Variants in FER observed in about 807,000 individuals in gnomAD.
FER encodes the protein tyrosine-protein kinase Fer.
FER carries 63 observed loss-of-function variants against 111.0 expected under a neutral mutation model. That is an observed-to-expected ratio of 0.57 (90% CI 0.46 to 0.70). The LOEUF (loss-of-function observed/expected upper bound fraction) is 0.70. FER is among the 30% of genes least tolerant of loss of function. FER has a pLI of 0.00. For synonymous variants in FER, 327 were observed against 313.9 expected, an observed-to-expected ratio of 1.04 and a Z score of -0.44; for missense variants, 914 against 954.0, an observed-to-expected ratio of 0.96 and a Z score of 0.55.
At chr5:109,122,056 A>G (rs184186792) in intron 17 of FER, among the ~76,000 whole-genome samples, 2 of 150,518 alleles carry the variant, frequency 1.3e-5, no homozygotes, top group African/African-American at 4.9e-5. Flanking sequence ...AGCCTTTTGT[A>G]TTTTCTTTAT....
chr5:108,749,968 C>T (rs185539642), intron 1 of FER, among the ~76,000 whole-genome samples: 1 of 152,188 alleles, frequency 6.6e-6, no homozygotes, highest in East Asian at 1.9e-4. Context: ...TAATTTGTTA[C>T]GGCTGGTAGC....
intron 10 of FER, among the ~76,000 whole-genome samples, 160 bp downstream of exon 10, chr5:108,898,008 C>T (rs995962908): frequency 6.6e-6 from 1 of 152,178 alleles, no homozygotes; most frequent in African/African-American, 2.4e-5. Context: ...TTGTCAGTCA[C>T]CTCAGGTCAC....
intron 13 of FER, among the ~76,000 whole-genome samples, chr5:109,006,394 C>G (rs1173003151): frequency 2.6e-5 from 4 of 152,150 alleles, no homozygotes; most frequent in Non-Finnish European, 5.9e-5. Context: ...ACGGGAGTTC[C>G]TCTGCAAGTG....
chr5:108,896,508 T>TTA (rs1749118942), intron 9 of FER, among the ~76,000 whole-genome samples: 2 of 152,178 alleles, frequency 1.3e-5, no homozygotes, highest in African/African-American at 4.8e-5. Flanking sequence ...TTACTAGGTC[T>TTA]CTCACAAATG....
intron 2 of FER, among the ~76,000 whole-genome samples, chr5:108,782,042 C>T (rs576481553): frequency 9.2e-5 from 14 of 152,108 alleles, no homozygotes; most frequent in Admixed American, 3.9e-4. Flanking sequence ...TTTAAGTTTC[C>T]CACTTGTTGG....
At chr5:108,950,386 T>A (rs910175909) in intron 11 of FER, among the ~76,000 whole-genome samples, 8 of 152,202 alleles carry the variant, frequency 5.3e-5, no homozygotes, top group Non-Finnish European at 7.3e-5. Flanking sequence ...TGAATAAAAA[T>A]TTTACAGCTA....
intron 17 of FER, among the ~76,000 whole-genome samples, chr5:109,156,747 G>A (rs898163982): frequency 6.6e-6 from 1 of 152,064 alleles, no homozygotes; most frequent in African/African-American, 2.4e-5. Flanking sequence ...GCAGTGGTCA[G>A]TAATGTAAAG....
At chr5:108,952,156 C>T (rs1411346400) in intron 11 of FER, among the ~76,000 whole-genome samples, 2 of 152,066 alleles carry the variant, frequency 1.3e-5, no homozygotes, top group South Asian at 2.1e-4. Context: ...GGAGGCTTTG[C>T]TCCTACCCCC....
Position 109,039,085 on chromosome 5 carries a change from A to G in FER, c.1713+1607A>G, listed in dbSNP as rs947841933. On this transcript the variant is annotated intron_variant, in intron 14 of 19. Coordinates refer to ENST00000281092, the MANE Select transcript of FER (RefSeq NM_005246.4). The stretch of plus-strand genomic sequence containing the variant: ...GGTTATTTAACATTTTTCACTGCCT[A>G]TTTTAAATAATCATTTACAGTATAC... 3.9e-5 allele frequency among the ~76,000 whole-genome samples: 6 copies of G among 152,078 alleles called. No homozygotes were observed. In the East Asian group the frequency reaches 1.2e-3, roughly 29 times the overall value.
chr5:108,889,527 A>G (rs1017648264), intron 9 of FER, among the ~76,000 whole-genome samples: 17 of 152,030 alleles, frequency 1.1e-4, no homozygotes, highest in African/African-American at 4.1e-4. Context: ...GATAGAGAGT[A>G]GAAGGATGGT....
chr5:108,827,985 A>G (rs982718917), intron 3 of FER, among the ~76,000 whole-genome samples: 21 of 151,960 alleles, frequency 1.4e-4, no homozygotes, highest in African/African-American at 5.1e-4. Context: ...ACAAGCCACC[A>G]TATCCAGCTA....
chr5:109,049,155 A>G (rs1772398686), intron 16 of FER, among the ~76,000 whole-genome samples: 1 of 152,136 alleles, frequency 6.6e-6, no homozygotes, highest in African/African-American at 2.4e-5. Context: ...TTAGCTTTTG[A>G]TTGCTGCACA....
intron 17 of FER, among the ~76,000 whole-genome samples, chr5:109,177,331 C>T (rs1376475444): frequency 6.6e-6 from 1 of 151,920 alleles, no homozygotes; most frequent in East Asian, 1.9e-4. Context: ...CAGGAAACTC[C>T]AGGGCCTTAA....
rs192381272 is a variant in FER, at chr5:108,787,181, C to T, written c.-59-10943C>T. On this transcript the variant is annotated intron_variant, in intron 2 of 19. Coordinates refer to ENST00000281092, the MANE Select transcript of FER (RefSeq NM_005246.4). ...CCTCTCCCTGCTTCTGGCGCCTGCT[C>T]CAGGGTGGAGCAAAGCTGTGGCCAA... Among the ~76,000 whole-genome samples the T allele has an allele frequency of 6.6e-3, 1,002 of 152,312 alleles. 9 individuals carry two copies. Among genetic ancestry groups the T allele is most frequent in the Non-Finnish European group, 7.7e-3 (524 of 68,012 alleles).
chr5:109,185,540 C>T (rs532234864), intron 18 of FER, among the ~76,000 whole-genome samples: 10 of 152,068 alleles, frequency 6.6e-5, no homozygotes, highest in African/African-American at 2.2e-4. Context: ...GGATTGATAA[C>T]GTAAAAATGT....
intron 16 of FER, among the ~76,000 whole-genome samples, chr5:109,053,319 G>C (rs997199834): frequency 2.7e-5 from 4 of 146,382 alleles, no homozygotes; most frequent in African/African-American, 1.0e-4. Flanking sequence ...GAAGGCAGAG[G>C]TTGCAGTGAG....
intron 17 of FER, among the ~76,000 whole-genome samples, chr5:109,155,622 C>A (rs1396614660): frequency 3.3e-5 from 5 of 151,928 alleles, no homozygotes; most frequent in African/African-American, 1.2e-4. Flanking sequence ...GGAACTACAG[C>A]ACTAAAGTCT....
intron 16 of FER, among the ~76,000 whole-genome samples, chr5:109,059,187 A>G (rs929920501): frequency 1.3e-5 from 2 of 152,178 alleles, no homozygotes; most frequent in African/African-American, 4.8e-5. Context: ...TTGTAAAGAT[A>G]AATCAGCAGA....
intron 16 of FER, among the ~76,000 whole-genome samples, chr5:109,099,206 C>G (rs1387277322): frequency 6.6e-6 from 1 of 150,928 alleles, no homozygotes; most frequent in Non-Finnish European, 1.5e-5. Context: ...TATAAAGTAA[C>G]TAAAAAGAAA....
Sources: allele counts gnomAD v4.1 joint callset (sites outside exome capture counted in the v4.1 genomes callset), GRCh38; gene constraint gnomAD v4.1.1; transcripts MANE v1.5; gene names NCBI Gene and HGNC (gene_info 2026-07-23, HGNC 2026-07-21).